CD163: variants seen among roughly 807,000 people sequenced by gnomAD.
CD163 encodes CD163 molecule, also known as scavenger receptor cysteine-rich type 1 protein M130.
Under a neutral mutation model 129.2 loss-of-function variants are expected in CD163, and 64 were observed. That is an observed-to-expected ratio of 0.50 (90% CI 0.41 to 0.61). CD163 has a LOEUF of 0.61. CD163 is among the 20% of genes least tolerant of loss of function. The pLI is 0.00. For missense variants in CD163, 1,061 were observed against 1,377.9 expected, an observed-to-expected ratio of 0.77 and a Z score of 3.64; for synonymous variants, 446 against 478.5, an observed-to-expected ratio of 0.93 and a Z score of 0.89.
Position 7,496,718 on chromosome 12 carries a change from T to C in CD163, c.1099+95A>G. On this transcript the variant is annotated intron_variant, in intron 5 of 16. Coordinates refer to ENST00000432237, the MANE Select transcript of CD163 (RefSeq NM_203416.4). The surrounding 1 kb of genome is among the most constrained non-coding windows in gnomAD (Gnocchi z 4.8). ...GAATTTACTAGGCATTTCTACTTCT[T>C]AAGGAGCACGTTCCTACTCTTAAGG... 1 of 1,020,448 alleles carries C rather than the reference T, an allele frequency of 9.8e-7. No individual in the cohort carries two copies. Among genetic ancestry groups the C allele is most frequent in the East Asian group, 2.4e-5 (1 of 41,914 alleles). 63.2% of individuals were successfully genotyped at this position (1,020,448 alleles called of 1,614,324 possible). A position where few individuals can be genotyped will look rare whatever the true frequency, so the allele number is the denominator to read the frequency against.
intron 5 of CD163, 62 bp from the exon 6 acceptor site, chr12:7,495,463 T>A (rs1313231441): frequency 6.9e-7 from 1 of 1,453,172 alleles, no homozygotes; most frequent in Non-Finnish European, 9.4e-7. Context: ...CAGAGGATTT[T>A]TTTTTGTCTT....
intron 6 of CD163, among the ~76,000 whole-genome samples, chr12:7,488,312 C>A (rs1256888631): frequency 6.6e-6 from 1 of 152,148 alleles, no homozygotes; most frequent in East Asian, 1.9e-4. Context: ...GGGACTTCAC[C>A]TTGTGCAGCC....
chr12:7,495,438 A>G (rs1233745400), intron 5 of CD163, 37 bp from the exon 6 acceptor site: 2 of 1,574,424 alleles, frequency 1.3e-6, no homozygotes, highest in African/African-American at 1.4e-5. Context: ...ATCGATACAT[A>G]TGGAGGTTAG....
At chr12:7,500,067 C>G (rs992942099) in intron 3 of CD163, among the ~76,000 whole-genome samples, 11 of 151,942 alleles carry the variant, frequency 7.2e-5, no homozygotes, top group Admixed American at 6.6e-4. Context: ...GAGATAAGTC[C>G]TTTCTATAGT....
At chr12:7,498,124 T>TACACACACACAC (rs571405606) in intron 4 of CD163, among the ~76,000 whole-genome samples, 12 of 148,844 alleles carry the variant, frequency 8.1e-5, no homozygotes, top group African/African-American at 2.7e-4. Flanking sequence ...TTCCTTTATT[T>TACACACACACAC]ACACACACAC....
chr12:7,490,542 G>A (rs971948728), intron 6 of CD163, among the ~76,000 whole-genome samples: 2 of 151,856 alleles, frequency 1.3e-5, no homozygotes, highest in Non-Finnish European at 1.5e-5. Context: ...ACCTTCTGAA[G>A]GTCTTAAGTC....
At chr12:7,486,368 T>A in intron 10 of CD163, 131 bp downstream of exon 10, 1 of 839,978 alleles carries the variant, frequency 1.2e-6, no homozygotes, top group South Asian at 1.8e-5. Flanking sequence ...CAGACTTCTG[T>A]TGTCCTGACT....
At chr12:7,476,029 A>C (rs1373670621) in intron 16 of CD163, among the ~76,000 whole-genome samples, 2 of 152,206 alleles carry the variant, frequency 1.3e-5, no homozygotes, top group Non-Finnish European at 2.9e-5. Context: ...ACAACTTACA[A>C]GGGATGTGAA....
intron 16 of CD163, among the ~76,000 whole-genome samples, chr12:7,478,735 C>T (rs1949121701): frequency 6.6e-6 from 1 of 151,852 alleles, no homozygotes; most frequent in Non-Finnish European, 1.5e-5. Context: ...TTCGTATATA[C>T]AAATATTCTG....
intron 6 of CD163, among the ~76,000 whole-genome samples, chr12:7,488,443 A>T (rs776606851): frequency 2.0e-5 from 3 of 152,334 alleles, no homozygotes; most frequent in Non-Finnish European, 2.9e-5. Context: ...TCTTGCACTC[A>T]TTCCTCCATG....
chr12:7,498,124 T>TAC (rs571405606), intron 4 of CD163, among the ~76,000 whole-genome samples: 12,871 of 148,534 alleles, frequency 0.087, 671 homozygotes, highest in African/African-American at 0.15. Flanking sequence ...TTCCTTTATT[T>TAC]ACACACACAC....
rs746457366 is a variant in CD163, at chr12:7,498,871, A to G, written c.775T>C (p.Ser259Pro). Residue 259 changes from serine (S) to proline (P), a missense_variant, in exon 4 of 17, where the codon TCA becomes CCA. Ser to Pro is a moderately conservative substitution (Grantham distance 74). Transcript: ENST00000432237. The part of the protein sequence containing the change: ...DHAEDAGVIC[S>P]KGADLSLRLV... Reference sequence around the variant, plus strand: ...ATGAGCCAAGATCAGTCCTTACTTGAGCAAATCACTCCAGCATCCTCAGCA... The same window carrying G: ...ATGAGCCAAGATCAGTCCTTACTTGGGCAAATCACTCCAGCATCCTCAGCA... 6.8e-6 allele frequency: 11 copies of G among 1,613,074 alleles called. No individual in the cohort carries two copies. Among genetic ancestry groups the G allele is most frequent in the Non-Finnish European group, 8.5e-7 (1 of 1,179,412 alleles).
intron 4 of CD163, among the ~76,000 whole-genome samples, chr12:7,497,408 G>A (rs759366579): frequency 1.3e-5 from 2 of 152,278 alleles, no homozygotes; most frequent in Non-Finnish European, 2.9e-5. Flanking sequence ...CCTGCTATTT[G>A]ACCACCACAG....
chr12:7,500,854 T>A (rs1949474642), intron 3 of CD163, among the ~76,000 whole-genome samples: 1 of 152,192 alleles, frequency 6.6e-6, no homozygotes, highest in South Asian at 2.1e-4. Context: ...TAGGTTACAG[T>A]AAGCTTACTG....
At chr12:7,475,097 CAAAAAA>C (rs58901449) in intron 16 of CD163, among the ~76,000 whole-genome samples, 1 of 94,020 alleles carries the variant, frequency 1.1e-5, no homozygotes, top group African/African-American at 4.5e-5. Flanking sequence ...GCCTACCAAC[CAAAAAA>C]AAAAAAAAAA....
rs112063621 is a variant in CD163, at chr12:7,483,366, C to T, written c.3088+1G>A. ...GCTCAATCCAGGCTTCTGGCACTTA[C>T]CTGTGCAATTCACTGCAGCGTCTTC... On this transcript the variant is annotated splice_donor_variant, in intron 12 of 16. Coordinates refer to ENST00000432237, the MANE Select transcript of CD163 (RefSeq NM_203416.4). LOFTEE classifies it high-confidence loss of function. 5 of 1,609,704 alleles carry T rather than the reference C, an allele frequency of 3.1e-6. No homozygotes were observed. The highest frequency in any genetic ancestry group is 4.2e-6 in the Non-Finnish European group (5 of 1,177,918).
chr12:7,494,001 T>G (rs1029103816), intron 6 of CD163, among the ~76,000 whole-genome samples: 3 of 152,134 alleles, frequency 2.0e-5, no homozygotes, highest in African/African-American at 7.2e-5. Context: ...ATCAAGAAAT[T>G]TTACTAAGTG....
intron 16 of CD163, among the ~76,000 whole-genome samples, chr12:7,475,097 C>CAAAAAAAAAAAAAAAAAAAAAAAAAAAAA (rs58901449): frequency 2.1e-5 from 2 of 94,020 alleles, no homozygotes; most frequent in African/African-American, 8.9e-5. Context: ...GCCTACCAAC[C>CAAAAAAAAAAAAAAAAAAAAAAAAAAAAA]AAAAAAAAAA....
At chr12:7,490,411 C>T (rs1387083515) in intron 6 of CD163, among the ~76,000 whole-genome samples, 1 of 151,972 alleles carries the variant, frequency 6.6e-6, no homozygotes, top group Non-Finnish European at 1.5e-5. Flanking sequence ...GAAACACAAT[C>T]ATCAAGATAA....
Sources: gnomAD v4.1 joint callset for allele counts (sites outside exome capture counted in the v4.1 genomes callset) on GRCh38, gnomAD v4.1.1 for gene constraint, Gnocchi (gnomAD v3.1) non-coding constraint, MANE v1.5 for transcripts, NCBI Gene and HGNC (gene_info 2026-07-23, HGNC 2026-07-21) for gene names.